MIPOL1: variants seen among roughly 807,000 people sequenced by gnomAD.
MIPOL1 encodes the protein mirror-image polydactyly gene 1 protein.
A neutral mutation model predicts 60.9 loss-of-function variants in MIPOL1; 57 were observed. That is an observed-to-expected ratio of 0.94 (90% CI 0.76 to 1.17). MIPOL1 has a LOEUF of 1.17. Ranked by LOEUF, MIPOL1 falls within the 50% of genes most tolerant of loss-of-function variation. The pLI is 0.00. For synonymous variants in MIPOL1, 179 were observed against 168.8 expected, an observed-to-expected ratio of 1.06 and a Z score of -0.47; for missense variants, 551 against 511.6, an observed-to-expected ratio of 1.08 and a Z score of -0.74.
At chr14:37,330,096 A>T (rs546726627) in intron 9 of MIPOL1, among the ~76,000 whole-genome samples, 8 of 152,270 alleles carry the variant, frequency 5.3e-5, no homozygotes, top group Admixed American at 5.2e-4. Context: ...GAATAAGCCA[A>T]ATCAGACCTT....
intron 10 of MIPOL1, among the ~76,000 whole-genome samples, chr14:37,410,511 G>A (rs1438380176): frequency 1.3e-5 from 2 of 151,990 alleles, no homozygotes; most frequent in African/African-American, 2.4e-5. Context: ...AAACTTCCAG[G>A]AGCTGTTGTT....
chr14:37,402,487 G>A (rs571438973), intron 10 of MIPOL1, among the ~76,000 whole-genome samples: 1 of 152,292 alleles, frequency 6.6e-6, no homozygotes, highest in East Asian at 1.9e-4. Flanking sequence ...TGAACAGTGG[G>A]CATCTGTGTT....
chr14:37,537,877 C>T (rs2153639210), intron 12 of MIPOL1, among the ~76,000 whole-genome samples: 1 of 152,316 alleles, frequency 6.6e-6, no homozygotes, highest in South Asian at 2.1e-4. Context: ...GGTCTGCAAA[C>T]ACACCATATT....
chr14:37,325,540 TCTC>T (rs1388987999), intron 9 of MIPOL1, among the ~76,000 whole-genome samples: 2 of 151,766 alleles, frequency 1.3e-5, no homozygotes, highest in Admixed American at 6.6e-5. Flanking sequence ...TTTTCCTTTT[TCTC>T]CTCCTCTACC....
chr14:37,328,489 A>T (rs1172902772), intron 9 of MIPOL1, among the ~76,000 whole-genome samples: 1 of 152,200 alleles, frequency 6.6e-6, no homozygotes, highest in African/African-American at 2.4e-5. Flanking sequence ...CTTTTGTAAC[A>T]TATAATAAAA....
At chr14:37,316,398 A>G (rs185387178) in intron 9 of MIPOL1, among the ~76,000 whole-genome samples, 2 of 152,156 alleles carry the variant, frequency 1.3e-5, no homozygotes, top group East Asian at 3.9e-4. Flanking sequence ...CAAAGTGAAG[A>G]TAGATTTGAT....
rs1262918519 is a variant in MIPOL1, at chr14:37,351,873, G to C, written c.829-17644G>C. Among the ~76,000 whole-genome samples the C allele has an allele frequency of 2.0e-5, 3 of 151,378 alleles. No homozygotes were observed. The East Asian group carries it at 5.9e-4, about 30-fold the overall frequency. ...ATTTTGTAGGTTGCCTGTTCACTCT[G>C]ATGGTAGTTTCTCTTGCTGTGCAGA... is the stretch of plus-strand genomic sequence containing the variant. On this transcript the variant is annotated intron_variant, in intron 9 of 12. Transcript: ENST00000684589.
At chr14:37,517,093 C>T (rs1158973561) in intron 12 of MIPOL1, among the ~76,000 whole-genome samples, 2 of 152,110 alleles carry the variant, frequency 1.3e-5, no homozygotes, top group Non-Finnish European at 2.9e-5. Flanking sequence ...GGACCCTCAA[C>T]TGTCAGTAAC....
intron 1 of MIPOL1, among the ~76,000 whole-genome samples, chr14:37,203,814 A>G (rs1322596320): frequency 6.6e-6 from 1 of 151,998 alleles, no homozygotes; most frequent in Non-Finnish European, 1.5e-5. Context: ...ATGAAGTCTC[A>G]CTCTGCCGCC....
chr14:37,322,544 A>G (rs908750717), intron 9 of MIPOL1, among the ~76,000 whole-genome samples: 2 of 151,770 alleles, frequency 1.3e-5, no homozygotes, highest in African/African-American at 4.8e-5. Context: ...ATTTTTTTTA[A>G]TATTTTTATT....
intron 10 of MIPOL1, among the ~76,000 whole-genome samples, chr14:37,382,794 C>A (rs1444462662): frequency 6.6e-6 from 1 of 151,628 alleles, no homozygotes; most frequent in Non-Finnish European, 1.5e-5. Context: ...AAATTGACTC[C>A]AAGGATTAGA....
At chr14:37,503,870 T>C (rs2095249371) in intron 12 of MIPOL1, 1 of 152,156 alleles carries the variant, frequency 6.6e-6, no homozygotes, top group Admixed American at 6.5e-5. Context: ...CCATCTTACA[T>C]GCAGAGGCAC....
intron 11 of MIPOL1, among the ~76,000 whole-genome samples, chr14:37,487,066 G>T (rs910332162): frequency 6.6e-6 from 1 of 152,098 alleles, no homozygotes; most frequent in African/African-American, 2.4e-5. Flanking sequence ...TTTTGTTGAA[G>T]GCCTTTTCTG....
intron 10 of MIPOL1, among the ~76,000 whole-genome samples, chr14:37,413,084 A>T (rs1003729883): frequency 3.9e-5 from 6 of 152,138 alleles, no homozygotes; most frequent in African/African-American, 1.4e-4. Context: ...GGAAGGCCTT[A>T]AATGCCAGCA....
rs1220430265 is a variant in MIPOL1, at chr14:37,523,998, A to G, written c.1263-22907A>G. Among the ~76,000 whole-genome samples the G allele has an allele frequency of 7.2e-5, 11 of 152,210 alleles. 1 individual carries two copies. The highest frequency in any genetic ancestry group is 1.0e-4 in the Non-Finnish European group (7 of 68,034). On this transcript the variant is annotated intron_variant, in intron 12 of 12. Coordinates refer to ENST00000684589, the MANE Select transcript of MIPOL1 (RefSeq NM_001388067.1). ...GGAGAAACTGAAGGAAGATTTTTGC[A>G]GCAAAATAATGGTGCTTGGAGCAAA... is the stretch of plus-strand genomic sequence containing the variant.
chr14:37,283,968 T>C (rs1407772474), intron 6 of MIPOL1, among the ~76,000 whole-genome samples: 2 of 152,048 alleles, frequency 1.3e-5, no homozygotes, highest in Non-Finnish European at 2.9e-5. Flanking sequence ...TGTAGCACTT[T>C]GGCCTCCCAA....
chr14:37,268,397 C>T (rs2083037876), intron 4 of MIPOL1, among the ~76,000 whole-genome samples: 1 of 152,026 alleles, frequency 6.6e-6, no homozygotes, highest in African/African-American at 2.4e-5. Flanking sequence ...AGATATCTAG[C>T]ATAATTACAA....
intron 11 of MIPOL1, among the ~76,000 whole-genome samples, chr14:37,435,043 C>A (rs1374828647): frequency 6.6e-6 from 1 of 152,170 alleles, no homozygotes; most frequent in African/African-American, 2.4e-5. Context: ...ACCACACTTT[C>A]TATTCCACCT....
At chr14:37,367,873 G>C (rs1183557039) in intron 9 of MIPOL1, among the ~76,000 whole-genome samples, 1 of 151,952 alleles carries the variant, frequency 6.6e-6, no homozygotes, top group Non-Finnish European at 1.5e-5. Flanking sequence ...GTCATAATTT[G>C]TGTCCTTAGT....
Sources: allele counts gnomAD v4.1 joint callset (sites outside exome capture counted in the v4.1 genomes callset), GRCh38; gene constraint gnomAD v4.1.1; transcripts MANE v1.5; gene names NCBI Gene and HGNC (gene_info 2026-07-23, HGNC 2026-07-21).